NAT10: variants seen among roughly 807,000 people sequenced by gnomAD.
The protein encoded by NAT10 is N-acetyltransferase 10, also known as RNA cytidine acetyltransferase.
Under a neutral mutation model 132.2 loss-of-function variants are expected in NAT10, and 109 were observed. The ratio of observed to expected loss-of-function variants is 0.82; its 90% CI spans 0.71 to 0.97. The LOEUF is 0.97. Among genes scored for constraint, NAT10 ranks in the 50% least tolerant of loss-of-function variants. The probability of loss-of-function intolerance (pLI) is 0.00; values close to 1 mark genes in which losing one functional copy is unlikely to be tolerated. For synonymous variants in NAT10, 479 were observed against 478.0 expected, an observed-to-expected ratio of 1.00 and a Z score of -0.03; for missense variants, 1,184 against 1,263.4, an observed-to-expected ratio of 0.94 and a Z score of 0.95.
intron 26 of NAT10, chr11:34,142,039 G>A: frequency 3.2e-6 from 2 of 620,566 alleles, no homozygotes; most frequent in South Asian, 2.0e-5. Context: ...TGTTGTGAAT[G>A]TAGGATTCCA....
chr11:34,108,801 G>T lies in NAT10; in HGVS notation c.168G>T (p.Leu56=), dbSNP rs942977994. ...KATVKARPSV[L]WCYKKELGFS... The stretch of plus-strand genomic sequence containing the variant: ...CTGTGAAGGCTCGGCCTTCAGTGCT[G>T]TGGTGTTATAAGAAAGAGCTGGGGT... Residue 56 remains leucine, a synonymous_variant, in exon 3 of 29, where the codon CTG becomes CTT. Coordinates refer to ENST00000257829, the MANE Select transcript of NAT10 (RefSeq NM_024662.3). The T allele has an allele frequency of 1.9e-6, 3 of 1,613,846 alleles. No homozygotes were observed. The African/African-American group carries it at 4.0e-5, about 22-fold the overall frequency.
At chr11:34,134,181 G>A (rs1338077636) in intron 16 of NAT10, 138 bp from the exon 17 acceptor site, 3 of 707,202 alleles carry the variant, frequency 4.2e-6, no homozygotes, top group Non-Finnish European at 7.6e-6. Flanking sequence ...CGGGGGGAAT[G>A]GATGTGTCAG....
intron 12 of NAT10, among the ~76,000 whole-genome samples, chr11:34,127,969 AT>A (rs1852028702): frequency 6.6e-6 from 1 of 152,254 alleles, no homozygotes; most frequent in South Asian, 2.1e-4. Flanking sequence ...AAGCAAGCTC[AT>A]AATGACTTTT....
chr11:34,115,921 C>T, intron 6 of NAT10, 37 bp downstream of exon 6: 1 of 1,597,482 alleles, frequency 6.3e-7, no homozygotes, highest in East Asian at 2.2e-5. Context: ...GGGGCAGCCA[C>T]ATTGGGAGGG....
intron 12 of NAT10, 121 bp from the exon 13 acceptor site, chr11:34,130,692 A>G (rs1258327647): frequency 7.8e-7 from 1 of 1,289,150 alleles, no homozygotes; most frequent in Non-Finnish European, 1.1e-6. Context: ...GAGATGAGCA[A>G]GGCTGTCCTG....
chr11:34,122,391 T>G, intron 8 of NAT10, 68 bp from the exon 9 acceptor site: 12 of 1,600,370 alleles, frequency 7.5e-6, no homozygotes, highest in Non-Finnish European at 1.0e-5. Flanking sequence ...TTCTCCACAG[T>G]GATGGTGATG....
At chr11:34,131,744 G>T (rs1852110148) in intron 14 of NAT10, among the ~76,000 whole-genome samples, 1 of 144,896 alleles carries the variant, frequency 6.9e-6, no homozygotes, top group African/African-American at 2.6e-5. Flanking sequence ...AGAGTGCAGT[G>T]GCACAATCTC....
intron 3 of NAT10, among the ~76,000 whole-genome samples, chr11:34,111,646 C>G (rs192766007): frequency 4.6e-5 from 7 of 152,152 alleles, no homozygotes; most frequent in Non-Finnish European, 8.8e-5. Context: ...AACGTGCCAT[C>G]ACCTTGTCTT....
intron 1 of NAT10, among the ~76,000 whole-genome samples, chr11:34,107,786 G>A (rs1417132090): frequency 6.6e-6 from 1 of 152,180 alleles, no homozygotes; most frequent in Non-Finnish European, 1.5e-5. Flanking sequence ...GAGGCAGGAG[G>A]ATTGCTTGAA....
In NAT10 at chr11:34,108,284, A is replaced by G; in HGVS notation, c.59A>G (p.Glu20Gly). The change falls in exon 2 of 29, where the codon GAG becomes GGG. Residue 20 changes from glutamate (E) to glycine (G), a missense_variant. Coordinates refer to ENST00000257829, the MANE Select transcript of NAT10 (RefSeq NM_024662.3). The stretch of plus-strand genomic sequence containing the variant: ...ATTCTCATTGAGAATGGAGTAGCTG[A>G]GCGGCAAAGATCTCTCTTTGTTGTA... Reference protein sequence around the residue: ...IRILIENGVAERQRSLFVVVG... With the variant: ...IRILIENGVAGRQRSLFVVVG... 6.2e-7 allele frequency: 1 copy of G among 1,614,200 alleles called. No homozygotes were observed. The highest frequency in any genetic ancestry group is 8.5e-7 in the Non-Finnish European group (1 of 1,180,032).
In NAT10 at chr11:34,117,792, CT is replaced by C. The variant is rs144891704; in HGVS notation, c.558-387del. On this transcript the variant is annotated intron_variant, in intron 6 of 28. Transcript: ENST00000257829. ...AGATGAATTCATTTGTATTTTTTCCCTGTGTGACTGGTGATCATATGGGGGT... is the reference window on the plus strand; with the variant it reads ...AGATGAATTCATTTGTATTTTTTCCCGTGTGACTGGTGATCATATGGGGGT... Among the ~76,000 whole-genome samples, 215 of 152,098 alleles carry C rather than the reference CT, an allele frequency of 1.4e-3. 2 individuals are homozygous for C. In the East Asian group the frequency reaches 0.037, roughly 26 times the overall value.
chr11:34,134,185 G>C lies in NAT10; in HGVS notation c.1735-134G>C. 8.4e-6 allele frequency: 6 copies of C among 717,496 alleles called. No homozygotes were observed. In the South Asian group the frequency reaches 9.8e-5, roughly 12 times the overall value. 44.4% of individuals were successfully genotyped at this position (717,496 alleles called of 1,614,324 possible). ...TCTCAAAAGAGCGGGGGGAATGGAT[G>C]TGTCAGTGTCAGGGTTAAACCTGAA... On this transcript the variant is annotated intron_variant, in intron 16 of 28. Transcript: ENST00000257829.
At chr11:34,111,961 A>G in intron 3 of NAT10, 91 bp from the exon 4 acceptor site, 3 of 1,475,448 alleles carry the variant, frequency 2.0e-6, no homozygotes, top group Non-Finnish European at 2.8e-6. Context: ...TGAAAGTCTA[A>G]GTGGGTGATC....
At chr11:34,115,358 C>CT (rs999340337) in intron 5 of NAT10, among the ~76,000 whole-genome samples, 1 of 152,180 alleles carries the variant, frequency 6.6e-6, no homozygotes, top group African/African-American at 2.4e-5. Context: ...CAGGCCTCAG[C>CT]TTATCTCAGA....
chr11:34,134,742 G>C (rs1852177991), intron 18 of NAT10, among the ~76,000 whole-genome samples, 156 bp downstream of exon 18: 1 of 152,102 alleles, frequency 6.6e-6, no homozygotes, highest in Non-Finnish European at 1.5e-5. Context: ...GGGGTGGGTG[G>C]GTGGACAGGA....
intron 15 of NAT10, 34 bp downstream of exon 15, chr11:34,132,255 A>C: frequency 6.5e-7 from 1 of 1,529,172 alleles, no homozygotes; most frequent in South Asian, 1.1e-5. Context: ...GAATGGTAGC[A>C]GGGAGCTTCA....
chr11:34,128,542 T>C, intron 12 of NAT10, among the ~76,000 whole-genome samples: 1 of 152,216 alleles, frequency 6.6e-6, no homozygotes, highest in Admixed American at 6.5e-5. Flanking sequence ...TCAGTAAATA[T>C]GTATCTCCAA....
At chr11:34,108,606 G>A in intron 2 of NAT10, 136 bp from the exon 3 acceptor site, 3 of 819,744 alleles carry the variant, frequency 3.7e-6, no homozygotes, top group East Asian at 2.6e-5. Context: ...CCTGGTCATT[G>A]CTCGCCTTAG....
chr11:34,145,948 T>A, intron 28 of NAT10, 136 bp from the exon 29 acceptor site: 1 of 616,214 alleles, frequency 1.6e-6, no homozygotes. Context: ...CAGAGAACAT[T>A]AATGTCCAAT....
Sources: allele counts gnomAD v4.1 joint callset (sites outside exome capture counted in the v4.1 genomes callset), GRCh38; gene constraint gnomAD v4.1.1; transcripts MANE v1.5; gene names NCBI Gene and HGNC (gene_info 2026-07-23, HGNC 2026-07-21).